MUC4: variants seen among roughly 807,000 people sequenced by gnomAD.
MUC4 encodes the protein mucin-4.
MUC4 carries 202 observed loss-of-function variants against 257.9 expected under a neutral mutation model. The observed-to-expected ratio is 0.78, with a 90% CI of 0.70 to 0.88. The LOEUF is 0.88. Among genes scored for constraint, MUC4 ranks in the 40% least tolerant of loss-of-function variants. The probability of loss-of-function intolerance (pLI) is 0.00; values close to 1 mark genes in which losing one functional copy is unlikely to be tolerated. For missense variants in MUC4, 5,976 were observed against 6,513.7 expected (o/e 0.92, Z 2.84); for synonymous variants, 2,351 against 2,757.1 (o/e 0.85, Z 4.62).
rs1408810488 is a variant in MUC4, at chr3:195,785,225, A to C, written c.6355T>G (p.Ser2119Ala). ...GTGGTGTCCCCTGTGGATAATGAGG[A>C]AGCATCGGTGTCATGAAGAGCGGTG... Reference protein sequence around the residue: ...HATALHDTDASSLSTGDTTPL... With the variant: ...HATALHDTDAASLSTGDTTPL... The change falls in exon 2 of 25, where the codon TCC becomes GCC. Residue 2119 changes from serine to alanine, a missense_variant. Ser to Ala is a moderately conservative substitution (Grantham distance 99, BLOSUM62 1). Coordinates refer to ENST00000463781, the MANE Select transcript of MUC4 (RefSeq NM_018406.7). The C allele has an allele frequency of 6.4e-7, 1 of 1,551,654 alleles. No homozygotes were observed. Among genetic ancestry groups the C allele is most frequent in the African/African-American group, 1.4e-5 (1 of 72,368 alleles).
At chr3:195,762,510 G>A (rs1719282060) in intron 13 of MUC4, among the ~76,000 whole-genome samples, 1 of 151,414 alleles carries the variant, frequency 6.6e-6, no homozygotes, top group African/African-American at 2.4e-5. Flanking sequence ...CAACGCACTC[G>A]GCCCTGCACC....
chr3:195,805,255 G>A (rs1000376370), intron 1 of MUC4, among the ~76,000 whole-genome samples: 8 of 152,016 alleles, frequency 5.3e-5, no homozygotes, highest in Non-Finnish European at 8.8e-5. Flanking sequence ...TCCCACCACC[G>A]GTCATTTGAC....
intron 7 of MUC4, among the ~76,000 whole-genome samples, chr3:195,768,820 G>C (rs1313494967): frequency 6.6e-6 from 1 of 152,228 alleles, no homozygotes; most frequent in African/African-American, 2.4e-5. Flanking sequence ...GGATGGGAAA[G>C]GGCATGGCGG....
At chr3:195,751,161 G>GGGC in intron 22 of MUC4, 46 bp downstream of exon 22, 1 of 699,724 alleles carries the variant, frequency 1.4e-6, no homozygotes, top group Non-Finnish European at 2.4e-6. Context: ...GGGGGTGGGG[G>GGGC]ATGAGGAAGA....
intron 18 of MUC4, 90 bp from the exon 19 acceptor site, chr3:195,754,462 C>T (rs1417796972): frequency 1.4e-6 from 2 of 1,458,740 alleles, no homozygotes; most frequent in East Asian, 4.8e-5. Context: ...GGCCTGAGAA[C>T]CCGTGGACCC....
Position 195,751,229 on chromosome 3 carries a change from G to C in MUC4, c.15625C>G (p.Arg5209Gly). 1 of 1,607,542 alleles carries C rather than the reference G, an allele frequency of 6.2e-7. No individual in the cohort carries two copies. Among genetic ancestry groups the C allele is most frequent in the Non-Finnish European group, 8.5e-7 (1 of 1,177,464 alleles). Reference sequence around the variant, plus strand: ...TACATTCGTTCCACTTGGCTGTTGCGGAGAAAGGCCCGCATGTCCAGGGTC... The same window carrying C: ...TACATTCGTTCCACTTGGCTGTTGCCGAGAAAGGCCCGCATGTCCAGGGTC... Reference protein sequence around the residue: ...LGTLDMRAFLRNSQVERIDSA... With the variant: ...LGTLDMRAFLGNSQVERIDSA... The change falls in exon 22 of 25, where the codon CGC becomes GGC. Residue 5209 changes from arginine (R) to glycine (G), a missense_variant. Transcript: ENST00000463781.
chr3:195,801,390 G>A (rs551313180), intron 1 of MUC4, among the ~76,000 whole-genome samples: 2 of 151,956 alleles, frequency 1.3e-5, no homozygotes, highest in Admixed American at 6.5e-5. Flanking sequence ...AACCAAAGCC[G>A]TGCCCTTCAT....
chr3:195,750,680 T>C, intron 23 of MUC4: 1 of 589,998 alleles, frequency 1.7e-6, no homozygotes, highest in East Asian at 2.8e-5. Flanking sequence ...GGGTGCTTGC[T>C]CCGTGAAGCT....
chr3:195,804,373 G>A (rs766609952), intron 1 of MUC4, among the ~76,000 whole-genome samples: 2 of 152,232 alleles, frequency 1.3e-5, no homozygotes, highest in African/African-American at 2.4e-5. Context: ...CAGGTGTGCC[G>A]AGGTGACAGG....
intron 5 of MUC4, 66 bp from the exon 6 acceptor site, chr3:195,770,437 T>C: frequency 1.9e-6 from 3 of 1,591,544 alleles, no homozygotes; most frequent in Non-Finnish European, 1.7e-6. Context: ...GGCCCCCCAC[T>C]TTCTGCCTGA....
Position 195,752,417 on chromosome 3 carries a change from G to C in MUC4, c.15538C>G (p.Leu5180Val). 5 of 1,614,054 alleles carry C rather than the reference G, an allele frequency of 3.1e-6. No individual in the cohort carries two copies. The highest frequency in any genetic ancestry group is 4.2e-6 in the Non-Finnish European group (5 of 1,179,858). Residue 5180 changes from leucine (L) to valine (V), a missense_variant, in exon 21 of 25, where the codon CTC becomes GTC. Coordinates refer to ENST00000463781, the MANE Select transcript of MUC4 (RefSeq NM_018406.7). ...ATGGAGGCATTTTCCTCTTCACTGA[G>C]CAAGAGCTGGATGACTCTTAAGGGA... ...ELPLRVIQLL[L>V]SEEENASMAE...
In MUC4 at chr3:195,799,260, T is replaced by TGTGTGAGAGA. The variant is rs1553889795; in HGVS notation, c.83-7764_83-7763insTCTCTCACAC. On this transcript the variant is annotated intron_variant, in intron 1 of 24. Transcript: ENST00000463781. ...GTGTGTGTGTGTGTGTGTGTGTGTG[T>TGTGTGAGAGA]GACACTGTGTGTGTGTGTCCCTGCC... Among the ~76,000 whole-genome samples the TGTGTGAGAGA allele has an allele frequency of 9.0e-4, 135 of 149,228 alleles. 1 individual carries two copies. Among genetic ancestry groups the TGTGTGAGAGA allele is most frequent in the East Asian group, 1.6e-3 (8 of 5,066 alleles).
chr3:195,782,223 G>C lies in MUC4; in HGVS notation c.9357C>G (p.Thr3119=), dbSNP rs769442973. Residue 3119 remains threonine (T), a synonymous_variant, in exon 2 of 25, where the codon ACC becomes ACG. Coordinates refer to ENST00000463781, the MANE Select transcript of MUC4 (RefSeq NM_018406.7). ...SPSSASTGHT[T]PLPVTDTSSA... ...AGGAAGTGTCGGTGACAGGAAGAGGGGTGGTGTGACCTGTGGATGCTGAGG... is the reference window on the plus strand; with the variant it reads ...AGGAAGTGTCGGTGACAGGAAGAGGCGTGGTGTGACCTGTGGATGCTGAGG... 1.3e-5 allele frequency: 18 copies of C among 1,395,574 alleles called. No individual in the cohort carries two copies. Among genetic ancestry groups the C allele is most frequent in the South Asian group, 1.3e-5 (1 of 74,182 alleles). 86.4% of individuals were successfully genotyped at this position (1,395,574 alleles called of 1,614,324 possible).
In MUC4 at chr3:195,788,985, A is replaced by T; in HGVS notation, c.2595T>A (p.Ser865=). 1 of 1,613,836 alleles carries T rather than the reference A, an allele frequency of 6.2e-7. No individual in the cohort carries two copies. Residue 865 remains serine (S), a synonymous_variant, in exon 2 of 25, where the codon TCT becomes TCA. Coordinates refer to ENST00000463781, the MANE Select transcript of MUC4 (RefSeq NM_018406.7). ...GATGAAAGGTGCCGGGGACGATCGA[A>T]GACGCCATTCCTGTGCTTACTGGGA... ...GAIPVSTGMA[S]SIVPGTFHPT...
intron 1 of MUC4, among the ~76,000 whole-genome samples, chr3:195,807,325 C>A (rs569611631): frequency 4.6e-5 from 7 of 152,136 alleles, no homozygotes; most frequent in Admixed American, 2.0e-4. Flanking sequence ...AAACATTAGC[C>A]GCTGTGGTGT....
At chr3:195,797,593 A>G (rs556415802) in intron 1 of MUC4, among the ~76,000 whole-genome samples, 1 of 152,364 alleles carries the variant, frequency 6.6e-6, no homozygotes, top group East Asian at 1.9e-4. Flanking sequence ...AGATGCCAAC[A>G]ATCACTGCTT....
chr3:195,811,611 G>A (rs569948821), intron 1 of MUC4, 125 bp downstream of exon 1: 8 of 704,254 alleles, frequency 1.1e-5, no homozygotes, highest in African/African-American at 3.6e-5. Flanking sequence ...CTTCCTCTTC[G>A]CTGTCTCCCT....
In MUC4 at chr3:195,754,382, GGTT is replaced by G; in HGVS notation, c.15169-13_15169-11del. ...ACTTGCAGCCAGCCACCTGGAGGAG[GGTT>G]GCCGATCACGGGCGGCCAGGAGACC... On this transcript the variant is annotated splice_polypyrimidine_tract_variant and intron_variant, in intron 18 of 24. Coordinates refer to ENST00000463781, the MANE Select transcript of MUC4 (RefSeq NM_018406.7). 4 of 1,600,424 alleles carry G rather than the reference GGTT, an allele frequency of 2.5e-6. No homozygotes were observed. Among genetic ancestry groups the G allele is most frequent in the Non-Finnish European group, 3.4e-6 (4 of 1,172,386 alleles).
chr3:195,767,840 ACCACCATCG>A (rs1721740726), intron 7 of MUC4, among the ~76,000 whole-genome samples: 3 of 139,408 alleles, frequency 2.2e-5, no homozygotes, highest in Admixed American at 7.0e-5. Flanking sequence ...CATCACCACC[ACCACCATCG>A]CCACCATCAC....
Sources: allele counts gnomAD v4.1 joint callset (sites outside exome capture counted in the v4.1 genomes callset), GRCh38; gene constraint gnomAD v4.1.1; transcripts MANE v1.5; gene names NCBI Gene and HGNC (gene_info 2026-07-23, HGNC 2026-07-21).